Variants in DLGAP2 observed in about 807,000 individuals in gnomAD.
The protein encoded by DLGAP2 is DLG associated protein 2.
Under a neutral mutation model 100.3 loss-of-function variants are expected in DLGAP2, and 26 were observed. That is an observed-to-expected ratio of 0.26 (90% CI 0.19 to 0.36). The LOEUF is 0.36. DLGAP2 is among the 10% of genes least tolerant of loss of function. The probability of loss-of-function intolerance (pLI) is 1.00; values close to 1 mark genes in which losing one functional copy is unlikely to be tolerated. For missense variants in DLGAP2, 1,858 were observed against 1,453.2 expected (o/e 1.28, Z -4.53); for synonymous variants, 886 against 630.1 (o/e 1.41, Z -6.08).
At chr8:1,463,188 G>C (rs1422569417) in intron 3 of DLGAP2, among the ~76,000 whole-genome samples, 2 of 152,220 alleles carry the variant, frequency 1.3e-5, no homozygotes, top group African/African-American at 4.8e-5. Flanking sequence ...GATGGAGGCT[G>C]CAGTGAGCTG....
intron 3 of DLGAP2, among the ~76,000 whole-genome samples, chr8:1,317,272 C>T (rs56009755): frequency 1.6e-5 from 2 of 126,492 alleles, no homozygotes; most frequent in African/African-American, 3.3e-5. Flanking sequence ...GTCTCTCCAA[C>T]AGTGGTCTAC....
At chr8:767,282 A>T (rs1303973344) in intron 1 of DLGAP2, among the ~76,000 whole-genome samples, 1 of 151,746 alleles carries the variant, frequency 6.6e-6, no homozygotes. Context: ...TTGTGGGAGG[A>T]AGTCAAGCAG....
intron 8 of DLGAP2, among the ~76,000 whole-genome samples, chr8:1,655,380 C>A (rs57637856): frequency 6.6e-6 from 1 of 152,128 alleles, no homozygotes; most frequent in Admixed American, 6.5e-5. Context: ...ATGCTATCAT[C>A]CTTGAAGTTC....
At chr8:1,271,313 G>C (rs1414727026) in intron 3 of DLGAP2, among the ~76,000 whole-genome samples, 1 of 151,970 alleles carries the variant, frequency 6.6e-6, no homozygotes, top group African/African-American at 2.4e-5. Flanking sequence ...CAGCCGGGGG[G>C]GTGCGCCCAT....
At chr8:1,577,929 G>T (rs140212135) in intron 6 of DLGAP2, among the ~76,000 whole-genome samples, 66 of 152,358 alleles carry the variant, frequency 4.3e-4, no homozygotes, top group Non-Finnish European at 9.1e-4. Flanking sequence ...GCTCATAGCT[G>T]CCAGAGGCAA....
intron 2 of DLGAP2, among the ~76,000 whole-genome samples, chr8:1,209,884 G>T (rs187071820): frequency 6.6e-6 from 1 of 152,070 alleles, no homozygotes; most frequent in African/African-American, 2.4e-5. Flanking sequence ...CTACCCCCTC[G>T]TAATCCCACC....
intron 2 of DLGAP2, among the ~76,000 whole-genome samples, chr8:1,112,761 T>C (rs1238166964): frequency 6.6e-6 from 1 of 152,186 alleles, no homozygotes; most frequent in African/African-American, 2.4e-5. Context: ...GTTGCAGAAA[T>C]TGCATGAATC....
intron 8 of DLGAP2, among the ~76,000 whole-genome samples, chr8:1,648,803 G>T (rs963634562): frequency 5.3e-5 from 8 of 152,164 alleles, no homozygotes; most frequent in African/African-American, 1.7e-4. Context: ...TGAAAGTCAT[G>T]GTGATCTTTG....
chr8:1,511,263 A>C (rs770730798), intron 4 of DLGAP2, among the ~76,000 whole-genome samples: 2 of 151,530 alleles, frequency 1.3e-5, no homozygotes, highest in Non-Finnish European at 2.9e-5. Context: ...AGGGCTGTCT[A>C]GTGTAGGACA....
chr8:967,244 A>G (rs987972143), intron 2 of DLGAP2, among the ~76,000 whole-genome samples: 12 of 152,160 alleles, frequency 7.9e-5, no homozygotes, highest in Non-Finnish European at 1.5e-4. Flanking sequence ...TTCTTTCCCC[A>G]TGTTAGTTTT....
In DLGAP2 at chr8:1,548,458, GAAAAAA is replaced by G. The variant is rs773138776; in HGVS notation, c.173-147_173-142del. Among the ~76,000 whole-genome samples the G allele has an allele frequency of 3.6e-4, 15 of 41,582 alleles. No individual in the cohort carries two copies. The South Asian group carries it at 4.9e-3, about 14-fold the overall frequency. 27.3% of individuals were successfully genotyped at this position (41,582 alleles called of 152,430 possible). ...TGGGCGACAGAGCGAGACTGTCTCA[GAAAAAA>G]AAAAAAAAAAAAAAAAAAAACCCAC... On this transcript the variant is annotated intron_variant, in intron 4 of 14. Transcript: ENST00000637795.
At chr8:1,585,138 G>A (rs1796076322) in intron 6 of DLGAP2, among the ~76,000 whole-genome samples, 1 of 152,092 alleles carries the variant, frequency 6.6e-6, no homozygotes, top group Non-Finnish European at 1.5e-5. Context: ...AGTTAAGAGG[G>A]AGGCTCCTAA....
intron 2 of DLGAP2, among the ~76,000 whole-genome samples, chr8:1,095,804 T>C (rs1804348830): frequency 6.6e-6 from 1 of 152,192 alleles, no homozygotes; most frequent in South Asian, 2.1e-4. Context: ...AGTAAATAGG[T>C]AATAAAGCAA....
At chr8:899,849 T>C (rs1378673158) in intron 1 of DLGAP2, among the ~76,000 whole-genome samples, 1 of 152,166 alleles carries the variant, frequency 6.6e-6, no homozygotes, top group Non-Finnish European at 1.5e-5. Flanking sequence ...ACTGCACGTA[T>C]TTCACAGACA....
chr8:1,199,606 C>T (rs553094915), intron 2 of DLGAP2, among the ~76,000 whole-genome samples: 1 of 152,220 alleles, frequency 6.6e-6, no homozygotes, highest in African/African-American at 2.4e-5. Flanking sequence ...TCTTCATGAG[C>T]CAAACTCATG....
chr8:1,706,960 T>C lies in DLGAP2; in HGVS notation c.*5554T>C, dbSNP rs117233460. ...TGAAAAATGTCCACAATTTTATGAA[T>C]TGCTGTCCTAACCCTGGCGTTTTTA... On this transcript the variant is annotated 3_prime_UTR_variant, in exon 15 of 15. Coordinates refer to ENST00000637795, the MANE Select transcript of DLGAP2 (RefSeq NM_001346810.2). 1.3e-5 allele frequency: 2 copies of C among 152,610 alleles called. No homozygotes were observed. Among genetic ancestry groups the C allele is most frequent in the Non-Finnish European group, 2.9e-5 (2 of 68,040 alleles). 9.5% of individuals were successfully genotyped at this position (152,610 alleles called of 1,614,324 possible).
chr8:1,093,220 C>T (rs1193454648), intron 2 of DLGAP2, among the ~76,000 whole-genome samples: 1 of 152,106 alleles, frequency 6.6e-6, no homozygotes, highest in Non-Finnish European at 1.5e-5. Context: ...AACACCTTCA[C>T]ACCAACAGCC....
chr8:1,049,970 G>A (rs1055324105), intron 2 of DLGAP2, among the ~76,000 whole-genome samples: 3 of 152,276 alleles, frequency 2.0e-5, no homozygotes, highest in Middle Eastern at 3.4e-3. Flanking sequence ...TCACACACAT[G>A]TGCCTACGTG....
chr8:1,637,982 A>T (rs557021429), intron 8 of DLGAP2, among the ~76,000 whole-genome samples: 41 of 152,292 alleles, frequency 2.7e-4, no homozygotes, highest in Middle Eastern at 6.8e-3. Context: ...TGAAGTAATG[A>T]CAAACGTCCC....
Sources: gnomAD v4.1 joint callset for allele counts (sites outside exome capture counted in the v4.1 genomes callset) on GRCh38, gnomAD v4.1.1 for gene constraint, MANE v1.5 for transcripts, NCBI Gene and HGNC (gene_info 2026-07-23, HGNC 2026-07-21) for gene names.